POFUT3: variants seen among roughly 807,000 people sequenced by gnomAD.
POFUT3 encodes protein O-fucosyltransferase 3, also known as GDP-fucose protein O-fucosyltransferase 3.
At chr8:33,448,916 A>G in the POFUT3 span, among the ~76,000 whole-genome samples, 4 of 152,108 alleles carry the variant, frequency 2.6e-5, no homozygotes, top group South Asian at 2.1e-4. Flanking sequence ...CCTGGGTGAC[A>G]GAATGAGACT....
At chr8:33,310,464 C>A in the POFUT3 span, among the ~76,000 whole-genome samples, 3 of 152,040 alleles carry the variant, frequency 2.0e-5, no homozygotes, top group South Asian at 2.1e-4. Context: ...ATAATCCCAG[C>A]ACTTTGGCCT....
chr8:33,358,492 A>G, the POFUT3 span, among the ~76,000 whole-genome samples: 1 of 152,200 alleles, frequency 6.6e-6, no homozygotes, highest in East Asian at 1.9e-4. Context: ...TGGACTGTGT[A>G]TTAAATAATA....
the POFUT3 span, among the ~76,000 whole-genome samples, chr8:33,331,760 C>T: frequency 1.3e-5 from 2 of 152,042 alleles, no homozygotes; most frequent in Non-Finnish European, 2.9e-5. Flanking sequence ...ACTGCAAGCT[C>T]CGCCTCCCGG....
chr8:33,445,669 T>C, the POFUT3 span, among the ~76,000 whole-genome samples: 2 of 152,112 alleles, frequency 1.3e-5, no homozygotes, highest in African/African-American at 4.8e-5. Flanking sequence ...TAGAACTGAA[T>C]GTTGAGATGG....
the POFUT3 span, among the ~76,000 whole-genome samples, chr8:33,394,023 T>C: frequency 2.0e-5 from 3 of 151,782 alleles, 1 homozygote; most frequent in Admixed American, 2.0e-4. Context: ...CCACAAGAAA[T>C]GTTTTTAAAA....
the POFUT3 span, among the ~76,000 whole-genome samples, chr8:33,458,649 G>C: frequency 1.3e-5 from 2 of 151,060 alleles, no homozygotes; most frequent in Non-Finnish European, 2.9e-5. Flanking sequence ...CCAGGAGGCA[G>C]AGGTTGCAGT....
the POFUT3 span, among the ~76,000 whole-genome samples, chr8:33,379,844 A>C: frequency 1.8e-4 from 8 of 44,942 alleles, no homozygotes; most frequent in Non-Finnish European, 3.5e-4. Context: ...TAAAAAAAAA[A>C]AAATATATAT....
At chr8:33,380,039 CGATATATATACACTA>C in the POFUT3 span, among the ~76,000 whole-genome samples, 2 of 56,212 alleles carry the variant, frequency 3.6e-5, 1 homozygote, top group African/African-American at 2.2e-4. Flanking sequence ...TATATATATA[CGATATATATACACTA>C]TATATATACA....
chr8:33,371,528 C>A, the POFUT3 span: 1 of 152,196 alleles, frequency 6.6e-6, no homozygotes, highest in African/African-American at 2.4e-5. Flanking sequence ...GAAATCATGA[C>A]ACAACAGTGG....
chr8:33,373,543 T>G, the POFUT3 span, among the ~76,000 whole-genome samples: 3 of 152,186 alleles, frequency 2.0e-5, no homozygotes, highest in Non-Finnish European at 4.4e-5. Context: ...AACCCCTTGA[T>G]TCCACTTCTG....
chr8:33,312,261 CA>C, the POFUT3 span, among the ~76,000 whole-genome samples: 62,552 of 140,660 alleles, frequency 0.44, 14,605 homozygotes, highest in East Asian at 0.8. Flanking sequence ...GACTCCGTCT[CA>C]AAAAAAAAAA....
chr8:33,384,130 G>T, the POFUT3 span, among the ~76,000 whole-genome samples: 2 of 152,000 alleles, frequency 1.3e-5, no homozygotes, highest in African/African-American at 4.8e-5. Flanking sequence ...CTCACAACAA[G>T]CAGGTAGGTA....
the POFUT3 span, among the ~76,000 whole-genome samples, chr8:33,385,450 G>C: frequency 2.2e-3 from 332 of 152,278 alleles, no homozygotes; most frequent in African/African-American, 7.5e-3. Flanking sequence ...TGTCGAGGAC[G>C]GGGCCATGAT....
At chr8:33,325,515 G>T in the POFUT3 span, among the ~76,000 whole-genome samples, 1 of 152,100 alleles carries the variant, frequency 6.6e-6, no homozygotes, top group African/African-American at 2.4e-5. Flanking sequence ...AAGTTTCTCA[G>T]CTCACTGAAA....
the POFUT3 span, among the ~76,000 whole-genome samples, chr8:33,447,529 G>A: frequency 1.8e-4 from 27 of 152,148 alleles, no homozygotes; most frequent in Non-Finnish European, 3.2e-4. Flanking sequence ...TTCAGTGGTG[G>A]CTAGAGAATT....
chr8:33,374,447 C>T, the POFUT3 span, among the ~76,000 whole-genome samples: 2 of 152,162 alleles, frequency 1.3e-5, no homozygotes, highest in African/African-American at 2.4e-5. Flanking sequence ...AAAGCTTGAG[C>T]AACTGTCCAG....
At chr8:33,441,670 T>C in the POFUT3 span, among the ~76,000 whole-genome samples, 8 of 151,670 alleles carry the variant, frequency 5.3e-5, no homozygotes, top group Admixed American at 4.6e-4. Context: ...CACGAGCCAC[T>C]GCACCCAGCC....
the POFUT3 span, among the ~76,000 whole-genome samples, chr8:33,364,125 T>C: frequency 1.3e-5 from 2 of 152,032 alleles, no homozygotes; most frequent in African/African-American, 2.4e-5. Flanking sequence ...CATACACAAA[T>C]CAATAAACAT....
chr8:33,394,226 T>C, the POFUT3 span: 1 of 213,562 alleles, frequency 4.7e-6, no homozygotes, highest in Non-Finnish European at 9.4e-6. Flanking sequence ...ACCATCATTT[T>C]CTGCCAAAGG....
Sources: allele counts gnomAD v4.1 joint callset (sites outside exome capture counted in the v4.1 genomes callset), GRCh38; gene constraint gnomAD v4.1.1; transcripts MANE v1.5; gene names NCBI Gene and HGNC (gene_info 2026-07-23, HGNC 2026-07-21).